The following WDR13 variants were observed in gnomAD, a reference collection of about 807,000 sequenced individuals.
The protein encoded by WDR13 is WD repeat domain 13.
Under a neutral mutation model 28.6 loss-of-function variants are expected in WDR13, and 1 was observed. The observed-to-expected ratio is 0.03, with a 90% CI of 0.01 to 0.17. The LOEUF is 0.17. Among genes scored for constraint, WDR13 ranks in the 10% least tolerant of loss-of-function variants. WDR13 has a pLI of 1.00. For synonymous variants in WDR13, 201 were observed against 185.9 expected (o/e 1.08, Z -0.66); for missense variants, 264 against 469.3 (o/e 0.56, Z 4.04).
rs1432416948 is a variant in WDR13 at position 48,608,596 on chromosome X, G to C, written c.*3564G>C. The C allele has an allele frequency of 8.9e-6, 1 of 112,476 alleles. No homozygotes were observed. The highest frequency in any genetic ancestry group is 1.9e-5 in the Non-Finnish European group (1 of 53,336). The allele number at this position is 112,476 out of a possible 1,213,427, so 9.3% of individuals were successfully genotyped here. ...ACACAGATGCCCAGTTTCTACCAAG[G>C]TCTGTGGATGGCAGGATAATTTTGA... On this transcript the variant is annotated 3_prime_UTR_variant, in exon 10 of 10. Transcript: ENST00000376729.
intron 6 of WDR13, among the ~76,000 whole-genome samples, chrX:48,600,910 A>T (rs896923894): frequency 2.0e-5 from 2 of 99,186 alleles, no homozygotes; most frequent in Non-Finnish European, 4.2e-5. Context: ...CCTGGCTAAC[A>T]CGGTGAAACC....
chrX:48,604,786 G>A, intron 9 of WDR13, 62 bp from the exon 10 acceptor site: 1 of 1,142,898 alleles, frequency 8.7e-7, no homozygotes, highest in Non-Finnish European at 1.2e-6. Flanking sequence ...AGACACCTCA[G>A]GGACTTCCCA....
chrX:48,603,462 A>G (rs2062200933), intron 8 of WDR13, among the ~76,000 whole-genome samples: 1 of 112,011 alleles, frequency 8.9e-6, no homozygotes, highest in African/African-American at 3.2e-5. Flanking sequence ...AGCCTGGCCA[A>G]CATGGTGAAT....
intron 5 of WDR13, chrX:48,600,031 T>G: frequency 2.4e-6 from 1 of 414,179 alleles, no homozygotes; most frequent in Non-Finnish European, 4.1e-6. Context: ...TGTCAAGGGT[T>G]TTGCAAATTG....
At chrX:48,604,563 C>G (rs235840) in intron 9 of WDR13, among the ~76,000 whole-genome samples, 173 bp downstream of exon 9, 52,523 of 111,642 alleles carry the variant, frequency 0.47, 9,661 homozygotes, top group Middle Eastern at 0.58. Context: ...GCTCAGAGAA[C>G]TCACAGTTTG....
At position 48,602,051 on chromosome X, in the gene WDR13, C is replaced by T. The variant is rs1438337228; in HGVS notation, c.1013-14C>T. The T allele has an allele frequency of 1.7e-6, 2 of 1,207,985 alleles. No homozygotes were observed. The highest frequency in any genetic ancestry group is 1.8e-5 in the South Asian group (1 of 56,661). The stretch of plus-strand genomic sequence containing the variant: ...TCACCCTCACCTTTGCCTTCCCTCC[C>T]TCTGCTGCTGCAGGGAAGCTGACCA... On this transcript the variant is annotated splice_polypyrimidine_tract_variant and intron_variant, in intron 7 of 9. Transcript: ENST00000376729.
rs782739057 is a variant in WDR13 at position 48,602,217 on chromosome X, C to T, written c.1154+11C>T. ...GTTGCTGCTCTACAGGTGGGTCCCC[C>T]ATCAGGGCCTCCTGGAGACGGAGGA... On this transcript the variant is annotated intron_variant, in intron 8 of 9. Coordinates refer to ENST00000376729, the MANE Select transcript of WDR13 (RefSeq NM_001347217.2). 4 of 1,200,643 alleles carry T rather than the reference C, an allele frequency of 3.3e-6. No individual in the cohort carries two copies. Among genetic ancestry groups the T allele is most frequent in the South Asian group, 1.8e-5 (1 of 56,379 alleles).
chrX:48,602,346 G>A (rs1181145995), intron 8 of WDR13, 140 bp downstream of exon 8: 24 of 702,483 alleles, frequency 3.4e-5, no homozygotes, highest in South Asian at 8.9e-5. Context: ...TAGTGAGCGC[G>A]TTTACAGCCA....
At position 48,604,267 on chromosome X, in the gene WDR13, C is replaced by A. The variant is rs1267775460; in HGVS notation, c.1155-5C>A. 8.3e-7 allele frequency: 1 copy of A among 1,208,100 alleles called. No homozygotes were observed. Among genetic ancestry groups the A allele is most frequent in the Non-Finnish European group, 1.1e-6 (1 of 893,269 alleles). ...GTGTTTTGACCCACTCTCTCATCCT[C>A]TCAGGGTGGTAGACAACGAGGGGAC... On this transcript the variant is annotated splice_polypyrimidine_tract_variant and splice_region_variant and intron_variant, in intron 8 of 9. Transcript: ENST00000376729.
rs1745394358 is a variant in WDR13 at position 48,605,241 on chromosome X, C to A, written c.*209C>A. 9.0e-6 allele frequency: 4 copies of A among 444,907 alleles called. No homozygotes were observed. The Admixed American group carries it at 1.2e-4, about 14-fold the overall frequency. The allele number at this position is 444,907 out of a possible 1,213,427, so 36.7% of individuals were successfully genotyped here. A position where few individuals can be genotyped will look rare whatever the true frequency, so the allele number is the denominator to read the frequency against. On this transcript the variant is annotated 3_prime_UTR_variant, in exon 10 of 10. Transcript: ENST00000376729. ...TCATGCATCGACGGATTCATTCATT[C>A]CACAAGCATTGATTGAATGTCTGCT...
rs2062212009 is a variant in WDR13 at position 48,604,844 on chromosome X, A to G, written c.1274-4A>G. On this transcript the variant is annotated splice_polypyrimidine_tract_variant and splice_region_variant and intron_variant, in intron 9 of 9. Coordinates refer to ENST00000376729, the MANE Select transcript of WDR13 (RefSeq NM_001347217.2). ...CCGATGGCCTCTCCCTCTCACCCCGACAGTGACGGGCAGTGAGGACATGTG... is the reference window on the plus strand; with the variant it reads ...CCGATGGCCTCTCCCTCTCACCCCGGCAGTGACGGGCAGTGAGGACATGTG... 8.3e-7 allele frequency: 1 copy of G among 1,202,621 alleles called. No individual in the cohort carries two copies. The highest frequency in any genetic ancestry group is 2.2e-5 in the Admixed American group (1 of 45,688).
Position 48,604,721 on chromosome X carries a change from C to T in WDR13, c.1274-127C>T, listed in dbSNP as rs1460576558. 4 of 819,760 alleles carry T rather than the reference C, an allele frequency of 4.9e-6. No individual in the cohort carries two copies. The African/African-American group carries it at 8.3e-5, about 17-fold the overall frequency. 67.6% of individuals were successfully genotyped at this position (819,760 alleles called of 1,213,427 possible). A position where few individuals can be genotyped will look rare whatever the true frequency, so the allele number is the denominator to read the frequency against. Reference sequence around the variant, plus strand: ...CATCTAGGGATGGGGCCCCCTCAAACCTCCCCAAGCCATGCTAGGACCTCA... The same window carrying T: ...CATCTAGGGATGGGGCCCCCTCAAATCTCCCCAAGCCATGCTAGGACCTCA... On this transcript the variant is annotated intron_variant, in intron 9 of 9. Coordinates refer to ENST00000376729, the MANE Select transcript of WDR13 (RefSeq NM_001347217.2).
At chrX:48,598,317 T>C (rs781888299) in intron 2 of WDR13, 1 of 1,044,225 alleles carries the variant, frequency 9.6e-7, no homozygotes, top group African/African-American at 2.0e-5. Flanking sequence ...CTATCCCCTA[T>C]GGGTGTCCCC....
rs1556992999 is a variant in WDR13 at position 48,597,589 on chromosome X, C to G, written c.-65C>G. ...TGGTCTCAGGGCCGCTCCGGGGGGC[C>G]TCAAGAACCGGAGGCAGCCCCGGAG... On this transcript the variant is annotated 5_prime_UTR_variant, in exon 1 of 10. Coordinates refer to ENST00000376729, the MANE Select transcript of WDR13 (RefSeq NM_001347217.2). The G allele has an allele frequency of 6.5e-6, 1 of 154,188 alleles. No individual in the cohort carries two copies. Among genetic ancestry groups the G allele is most frequent in the Non-Finnish European group, 1.2e-5 (1 of 80,652 alleles). The allele number at this position is 154,188 out of a possible 1,213,427, so 12.7% of individuals were successfully genotyped here.
intron 2 of WDR13, 146 bp downstream of exon 2, chrX:48,598,183 G>C (rs868923110): frequency 1.8e-6 from 2 of 1,131,562 alleles, no homozygotes; most frequent in South Asian, 2.1e-5. Flanking sequence ...GGGCGGGCAC[G>C]CCCGCGGTGA....
chrX:48,608,621 A>C lies in WDR13; in HGVS notation c.*3589A>C, dbSNP rs2062235357. The C allele has an allele frequency of 8.9e-6, 1 of 112,337 alleles. No homozygotes were observed. Among genetic ancestry groups the C allele is most frequent in the South Asian group, 3.6e-4 (1 of 2,744 alleles). The allele number at this position is 112,337 out of a possible 1,213,427, so 9.3% of individuals were successfully genotyped here. Reference sequence around the variant, plus strand: ...GTCTGTGGATGGCAGGATAATTTTGAGGAACCTCCTTTTTCGCTAACACTT... The same window carrying C: ...GTCTGTGGATGGCAGGATAATTTTGCGGAACCTCCTTTTTCGCTAACACTT... On this transcript the variant is annotated 3_prime_UTR_variant, in exon 10 of 10. Coordinates refer to ENST00000376729, the MANE Select transcript of WDR13 (RefSeq NM_001347217.2).
intron 2 of WDR13, chrX:48,598,278 A>C (rs2062156964): frequency 4.7e-6 from 5 of 1,070,492 alleles, no homozygotes; most frequent in Middle Eastern, 3.6e-4. Flanking sequence ...TACCTGTGAG[A>C]GGGAGGTGGG....
intron 4 of WDR13, 47 bp downstream of exon 4, chrX:48,599,509 GA>G (rs2062168674): frequency 8.3e-7 from 1 of 1,204,589 alleles, no homozygotes; most frequent in African/African-American, 1.7e-5. Flanking sequence ...GCGAGGAGGA[GA>G]GGGGCCCTGG....
In WDR13 at chrX:48,604,852, G is replaced by A. The variant is rs144018865; in HGVS notation, c.1278G>A (p.Thr426=). ...CTCTCCCTCTCACCCCGACAGTGAC[G>A]GGCAGTGAGGACATGTGCGTGCACT... ...MSFRQGACVV[T]GSEDMCVHFF... The change falls in exon 10 of 10, where the codon ACG becomes ACA. Residue 426 remains threonine (T), a synonymous_variant. Coordinates refer to ENST00000376729, the MANE Select transcript of WDR13 (RefSeq NM_001347217.2). 5 of 1,203,645 alleles carry A rather than the reference G, an allele frequency of 4.2e-6. No individual in the cohort carries two copies. The highest frequency in any genetic ancestry group is 1.8e-5 in the South Asian group (1 of 56,634).
Sources: allele counts gnomAD v4.1 joint callset (sites outside exome capture counted in the v4.1 genomes callset), GRCh38; gene constraint gnomAD v4.1.1; transcripts MANE v1.5; gene names NCBI Gene and HGNC (gene_info 2026-07-23, HGNC 2026-07-21).